The following PCBP3 variants were observed in gnomAD, a reference collection of about 807,000 sequenced individuals.
PCBP3 encodes the protein poly(rC) binding protein 3.
PCBP3 carries 25 observed loss-of-function variants against 52.7 expected under a neutral mutation model. That is an observed-to-expected ratio of 0.47 (90% CI 0.35 to 0.66). PCBP3 has a LOEUF of 0.66. PCBP3 is among the 30% of genes least tolerant of loss of function. The pLI is 0.01. For missense variants in PCBP3, 391 were observed against 490.3 expected, an observed-to-expected ratio of 0.80 and a Z score of 1.91; for synonymous variants, 162 against 183.0, an observed-to-expected ratio of 0.89 and a Z score of 0.93.
chr21:45,686,203 C>G (rs908621302), intron 2 of PCBP3, among the ~76,000 whole-genome samples: 3 of 152,128 alleles, frequency 2.0e-5, no homozygotes, highest in Admixed American at 2.0e-4. Context: ...CAGGTGTGAA[C>G]CACCGTGCCT....
chr21:45,725,907 G>A (rs1033805128), intron 2 of PCBP3, among the ~76,000 whole-genome samples: 4 of 152,120 alleles, frequency 2.6e-5, no homozygotes, highest in African/African-American at 9.7e-5. Context: ...GCCAGTGCAG[G>A]AGATGAGGTC....
At chr21:45,779,996 A>T (rs933440639) in intron 4 of PCBP3, among the ~76,000 whole-genome samples, 2 of 152,240 alleles carry the variant, frequency 1.3e-5, no homozygotes, top group African/African-American at 4.8e-5. Context: ...TTTCAACAAC[A>T]GCGCCCAGGC....
At chr21:45,867,102 A>G (rs1436442466) in intron 5 of PCBP3, among the ~76,000 whole-genome samples, 1 of 152,246 alleles carries the variant, frequency 6.6e-6, no homozygotes, top group Non-Finnish European at 1.5e-5. Flanking sequence ...CACACACCGA[A>G]CGCAACGCCA....
intron 4 of PCBP3, among the ~76,000 whole-genome samples, chr21:45,783,236 A>G (rs1048961597): frequency 6.6e-6 from 1 of 152,062 alleles, no homozygotes; most frequent in Non-Finnish European, 1.5e-5. Flanking sequence ...GCATCTTTCC[A>G]TGTGCGATTG....
intron 17 of PCBP3, among the ~76,000 whole-genome samples, chr21:45,940,831 C>T (rs1349815693): frequency 1.3e-5 from 2 of 152,212 alleles, no homozygotes; most frequent in Non-Finnish European, 2.9e-5. Flanking sequence ...GCTGTACCAC[C>T]AGCCCCGCCG....
At chr21:45,664,965 A>G (rs931576962) in intron 1 of PCBP3, among the ~76,000 whole-genome samples, 8 of 151,974 alleles carry the variant, frequency 5.3e-5, no homozygotes, top group African/African-American at 1.9e-4. Flanking sequence ...AGTTTCTTTC[A>G]TCAGCATTTT....
chr21:45,767,352 G>T (rs1015363370), intron 4 of PCBP3, among the ~76,000 whole-genome samples: 2 of 152,218 alleles, frequency 1.3e-5, no homozygotes, highest in African/African-American at 4.8e-5. Flanking sequence ...AGGTTTATCT[G>T]CATCATCGTA....
At chr21:45,762,399 T>TGCC (rs2088775421) in intron 4 of PCBP3, 1 of 152,334 alleles carries the variant, frequency 6.6e-6, no homozygotes, top group Non-Finnish European at 1.5e-5. Context: ...CTGTCCCTTC[T>TGCC]GCCACACTAT....
chr21:45,721,698 G>A (rs777587917), intron 2 of PCBP3, among the ~76,000 whole-genome samples: 5 of 152,102 alleles, frequency 3.3e-5, no homozygotes, highest in Non-Finnish European at 5.9e-5. Context: ...TTCATTCTCC[G>A]TGTGCTCCAT....
At chr21:45,933,828 T>C (rs557753366) in intron 15 of PCBP3, among the ~76,000 whole-genome samples, 1 of 152,124 alleles carries the variant, frequency 6.6e-6, no homozygotes, top group African/African-American at 2.4e-5. Context: ...GCCAGTACCA[T>C]AAGACAAGAT....
chr21:45,781,652 A>G (rs1251525821), intron 4 of PCBP3, among the ~76,000 whole-genome samples: 2 of 152,240 alleles, frequency 1.3e-5, no homozygotes, highest in African/African-American at 4.8e-5. Context: ...TAGTGAAAGC[A>G]TATTTCCATA....
At chr21:45,686,481 C>T (rs760507870) in intron 2 of PCBP3, among the ~76,000 whole-genome samples, 9 of 152,130 alleles carry the variant, frequency 5.9e-5, no homozygotes, top group Non-Finnish European at 1.2e-4. Flanking sequence ...ACGACAAAAT[C>T]CAGACACTTA....
intron 5 of PCBP3, among the ~76,000 whole-genome samples, chr21:45,862,616 T>C (rs988146655): frequency 2.0e-5 from 3 of 152,230 alleles, no homozygotes; most frequent in African/African-American, 7.2e-5. Context: ...GCTTCTTTCT[T>C]TAATAAGCAA....
chr21:45,650,357 A>G (rs1603090953), intron 1 of PCBP3, among the ~76,000 whole-genome samples: 3 of 152,194 alleles, frequency 2.0e-5, no homozygotes, highest in South Asian at 4.1e-4. Flanking sequence ...TTTGGCATAT[A>G]TATTCATAAG....
At chr21:45,723,534 T>C (rs1714941643) in intron 2 of PCBP3, among the ~76,000 whole-genome samples, 1 of 152,234 alleles carries the variant, frequency 6.6e-6, no homozygotes, top group South Asian at 2.1e-4. Flanking sequence ...TACAAGTTGA[T>C]AGTGAGTAAA....
At chr21:45,720,263 C>G (rs927283956) in intron 2 of PCBP3, among the ~76,000 whole-genome samples, 1 of 152,058 alleles carries the variant, frequency 6.6e-6, no homozygotes, top group Non-Finnish European at 1.5e-5. Context: ...TGTTCCCCTC[C>G]CTGTGCCTAT....
chr21:45,687,079 C>T (rs1483661957), intron 2 of PCBP3, among the ~76,000 whole-genome samples: 1 of 151,910 alleles, frequency 6.6e-6, no homozygotes, highest in Non-Finnish European at 1.5e-5. Flanking sequence ...TATTGAGGCC[C>T]CAAAGTGTAG....
rs192721076 is a variant in PCBP3 at position 45,806,900 on chromosome 21, T to C, written c.-125-43061T>C. 1.1e-4 allele frequency among the ~76,000 whole-genome samples: 16 copies of C among 152,320 alleles called. 1 individual carries two copies. Among genetic ancestry groups the C allele is most frequent in the African/African-American group, 3.8e-4 (16 of 41,582 alleles). On this transcript the variant is annotated intron_variant, in intron 4 of 17. Transcript: ENST00000681687. Reference sequence around the variant, plus strand: ...CTCATCAGATGCTCCGAGCTCCTTGTCATTGGCTCCTGTATGCAGCACTCA... The same window carrying C: ...CTCATCAGATGCTCCGAGCTCCTTGCCATTGGCTCCTGTATGCAGCACTCA...
chr21:45,684,540 T>C (rs1230966733), intron 2 of PCBP3, among the ~76,000 whole-genome samples: 1 of 152,156 alleles, frequency 6.6e-6, no homozygotes, highest in African/African-American at 2.4e-5. Context: ...ATGAGAGAGT[T>C]CTTACTCTGT....
Sources: allele counts gnomAD v4.1 joint callset (sites outside exome capture counted in the v4.1 genomes callset), GRCh38; gene constraint gnomAD v4.1.1; transcripts MANE v1.5; gene names NCBI Gene and HGNC (gene_info 2026-07-23, HGNC 2026-07-21).